ZBED6: variants seen among roughly 807,000 people sequenced by gnomAD.
ZBED6 encodes zinc finger BED domain-containing protein 6.
A neutral mutation model predicts 58.4 loss-of-function variants in ZBED6; 40 were observed. The observed-to-expected ratio is 0.68, with a 90% CI of 0.53 to 0.89. The LOEUF is 0.89. Among genes scored for constraint, ZBED6 ranks in the 40% least tolerant of loss-of-function variants. The pLI is 0.00. For synonymous variants in ZBED6, 439 were observed against 350.6 expected (o/e 1.25, Z -2.82); for missense variants, 1,057 against 1,003.9 (o/e 1.05, Z -0.71).
At chr1:203,825,563 T>C (rs1182560832) in intron 3 of ZBED6, among the ~76,000 whole-genome samples, 1 of 151,174 alleles carries the variant, frequency 6.6e-6, no homozygotes, top group Non-Finnish European at 1.5e-5. Context: ...GCCTCCCGCA[T>C]AGCTGGGACT....
intron 11 of ZBED6, among the ~76,000 whole-genome samples, chr1:203,844,148 T>C (rs2050698): frequency 0.98 from 149,167 of 152,122 alleles, 73,204 homozygotes; most frequent in Non-Finnish European, 1. Context: ...TGAGCCACTG[T>C]GCCCGCCTTT....
At chr1:203,816,894 A>G in intron 1 of ZBED6, 32 bp from the exon 2 acceptor site, 1 of 515,970 alleles carries the variant, frequency 1.9e-6, no homozygotes, top group South Asian at 3.5e-5. Context: ...AATTTACCTG[A>G]AATATTTTAA....
At chr1:203,800,264 A>G (rs766339473) in exon 1 of ZBED6, 117 of 1,044,792 alleles carry the variant, frequency 1.1e-4, no homozygotes, top group Non-Finnish European at 1.2e-4. Flanking sequence ...GTAGTTGGCA[A>G]TCTGAATGTA....
At chr1:203,836,501 G>A (rs1046557687) in intron 9 of ZBED6, among the ~76,000 whole-genome samples, 2 of 152,194 alleles carry the variant, frequency 1.3e-5, no homozygotes, top group African/African-American at 4.8e-5. Flanking sequence ...TGTAATCCCA[G>A]CACTTTGAGA....
At chr1:203,852,070 C>G in intron 16 of ZBED6, 71 bp from the exon 17 acceptor site, 1 of 1,581,628 alleles carries the variant, frequency 6.3e-7, no homozygotes, top group Non-Finnish European at 8.6e-7. Context: ...CACTTTGTGT[C>G]CGTGAGACTA....
Position 203,806,025 on chromosome 1 carries a change from G to A in ZBED6, c.*2554+3009G>A, listed in dbSNP as rs12088595. 2,223 of 546,718 alleles carry A rather than the reference G, an allele frequency of 4.1e-3. 40 individuals are homozygous for A. Among genetic ancestry groups the A allele is most frequent in the East Asian group, 0.04 (893 of 22,318 alleles). 33.9% of individuals were successfully genotyped at this position (546,718 alleles called of 1,614,324 possible). On this transcript the variant is annotated intron_variant, in intron 1 of 16. Coordinates refer to ENST00000550078, the Ensembl canonical transcript of ZBED6. ...GTTTCATGTTGAATGACTCTTGGGTGCGATTGTCCTGCTGCTGCTCATACA... is the reference window on the plus strand; with the variant it reads ...GTTTCATGTTGAATGACTCTTGGGTACGATTGTCCTGCTGCTGCTCATACA...
intron 9 of ZBED6, among the ~76,000 whole-genome samples, chr1:203,837,576 G>T (rs867303557): frequency 6.6e-6 from 1 of 151,774 alleles, no homozygotes; most frequent in Non-Finnish European, 1.5e-5. Flanking sequence ...CTGGGCTCAA[G>T]TGATCCTTCT....
chr1:203,818,715 A>C (rs1316216760), intron 3 of ZBED6, 26 bp downstream of exon 3: 2 of 1,613,666 alleles, frequency 1.2e-6, no homozygotes, highest in Non-Finnish European at 1.7e-6. Context: ...CCGTTATCAT[A>C]ATAAGTAGTC....
chr1:203,812,461 C>G, intron 1 of ZBED6, among the ~76,000 whole-genome samples: 1 of 151,996 alleles, frequency 6.6e-6, no homozygotes, highest in Admixed American at 6.6e-5. Context: ...GATTTTGTTC[C>G]TTTTTATTGG....
chr1:203,815,878 T>G (rs1170094726), intron 1 of ZBED6, among the ~76,000 whole-genome samples: 1 of 152,216 alleles, frequency 6.6e-6, no homozygotes, highest in African/African-American at 2.4e-5. Context: ...GTTATATGCT[T>G]TTGTAGAAGC....
chr1:203,842,170 G>C (rs1686551678), intron 11 of ZBED6, among the ~76,000 whole-genome samples: 2 of 152,038 alleles, frequency 1.3e-5, no homozygotes, highest in African/African-American at 2.4e-5. Flanking sequence ...CGGCCAGGCA[G>C]AGACGCTCCT....
intron 10 of ZBED6, among the ~76,000 whole-genome samples, chr1:203,839,519 T>C (rs1572269419): frequency 2.0e-5 from 3 of 152,178 alleles, no homozygotes; most frequent in Admixed American, 2.0e-4. Context: ...TTCTTTTAAT[T>C]TTTCCCCTTG....
At chr1:203,805,574 C>T (rs1672046037) in intron 1 of ZBED6, 2 of 613,186 alleles carry the variant, frequency 3.3e-6, no homozygotes, top group African/African-American at 3.7e-5. Flanking sequence ...ATCAGTATTT[C>T]ATAGTCCCAT....
chr1:203,848,283 G>C, intron 12 of ZBED6, 48 bp from the exon 13 acceptor site: 2 of 1,479,210 alleles, frequency 1.4e-6, no homozygotes, highest in Non-Finnish European at 1.9e-6. Flanking sequence ...CTATCATGAA[G>C]TTGCAGCTTA....
chr1:203,816,194 C>T (rs1676317900), intron 1 of ZBED6, among the ~76,000 whole-genome samples: 1 of 152,154 alleles, frequency 6.6e-6, no homozygotes, highest in Non-Finnish European at 1.5e-5. Flanking sequence ...AAACATTCTA[C>T]TTTATCATAT....
chr1:203,810,240 T>A (rs56311694), intron 1 of ZBED6, among the ~76,000 whole-genome samples: 26,486 of 151,868 alleles, frequency 0.17, 2,429 homozygotes, highest in Middle Eastern at 0.25. Context: ...TCTCTCAAAG[T>A]GTTAGGATTA....
In ZBED6 at chr1:203,797,104, A is replaced by C. The variant is rs1668782949; in HGVS notation, c.-419A>C. 6.5e-6 allele frequency: 1 copy of C among 154,554 alleles called. No individual in the cohort carries two copies. Among genetic ancestry groups the C allele is most frequent in the Non-Finnish European group, 1.4e-5 (1 of 69,816 alleles). 9.6% of individuals were successfully genotyped at this position (154,554 alleles called of 1,614,324 possible). On this transcript the variant is annotated 5_prime_UTR_variant, in exon 1 of 17. An upstream start codon of the reference 5' UTR is lost. Coordinates refer to ENST00000550078, the Ensembl canonical transcript of ZBED6. The stretch of plus-strand genomic sequence containing the variant: ...CGCTATCATGAGGCATCATAAAAAT[A>C]TGTATTTTACAAGGTGAAGGCATTT...
intron 1 of ZBED6, among the ~76,000 whole-genome samples, chr1:203,812,577 A>AT (rs1216704914): frequency 2.1e-5 from 2 of 94,480 alleles, no homozygotes; most frequent in Non-Finnish European, 2.4e-5. Context: ...AGCCATTCTA[A>AT]ATTTTTTTTT....
rs774531825 is a variant in ZBED6 at position 203,851,088 on chromosome 1, C to T, written c.*4837C>T. The T allele has an allele frequency of 8.1e-6, 13 of 1,614,180 alleles. No homozygotes were observed. The highest frequency in any genetic ancestry group is 7.7e-5 in the South Asian group (7 of 91,084). ...GTCCCGCTTGTCTCTGAGGACAAATCAGTCACTGTGCCTGAAGCAGAAAAT... is the reference window on the plus strand; with the variant it reads ...GTCCCGCTTGTCTCTGAGGACAAATTAGTCACTGTGCCTGAAGCAGAAAAT... On this transcript the variant is annotated 3_prime_UTR_variant, in exon 16 of 17. Coordinates refer to ENST00000550078, the Ensembl canonical transcript of ZBED6.
Sources: gnomAD v4.1 joint callset for allele counts (sites outside exome capture counted in the v4.1 genomes callset) on GRCh38, gnomAD v4.1.1 for gene constraint, MANE v1.5 for transcripts, NCBI Gene and HGNC (gene_info 2026-07-23, HGNC 2026-07-21) for gene names.